SH3BP4: variants seen among roughly 807,000 people sequenced by gnomAD.
The protein encoded by SH3BP4 is SH3 domain-binding protein 4.
In SH3BP4, 33 loss-of-function variants were observed where a neutral mutation model predicts 65.5. The ratio of observed to expected loss-of-function variants is 0.50; its 90% confidence interval spans 0.38 to 0.67. The LOEUF (loss-of-function observed/expected upper bound fraction) is 0.67. Ranked by LOEUF, SH3BP4 falls within the 30% of genes least tolerant of loss-of-function variation. SH3BP4 has a pLI of 0.00. For missense variants in SH3BP4, 1,134 were observed against 1,261.4 expected (o/e 0.90, Z 1.53); for synonymous variants, 552 against 545.5 (o/e 1.01, Z -0.17).
chr2:234,970,733 T>G (rs1692977365), intron 1 of SH3BP4, among the ~76,000 whole-genome samples: 1 of 152,230 alleles, frequency 6.6e-6, no homozygotes, highest in Non-Finnish European at 1.5e-5. Flanking sequence ...TTGCGTAGGT[T>G]TCCATGTCTG....
intron 4 of SH3BP4, among the ~76,000 whole-genome samples, chr2:235,047,767 C>T (rs6741594): frequency 0.2 from 30,551 of 152,002 alleles, 4,182 homozygotes; most frequent in African/African-American, 0.37. Flanking sequence ...AGAACGAAGC[C>T]GTGGGGTGTG....
rs534262507 is a variant in SH3BP4, at chr2:234,959,677, G to A, written c.-207+7507G>A. Among the ~76,000 whole-genome samples the A allele has an allele frequency of 3.6e-5, 5 of 139,742 alleles. 1 individual carries two copies. In the South Asian group the frequency reaches 8.9e-4, roughly 25 times the overall value. 91.7% of individuals were successfully genotyped at this position (139,742 alleles called of 152,430 possible). Reference sequence around the variant, plus strand: ...ACTTTTTTTTTTTTTTTTTTGAGACGGAATCTCACTCTTGCCCACGCTGGA... The same window carrying A: ...ACTTTTTTTTTTTTTTTTTTGAGACAGAATCTCACTCTTGCCCACGCTGGA... On this transcript the variant is annotated intron_variant, in intron 1 of 5. Coordinates refer to ENST00000392011, the MANE Select transcript of SH3BP4 (RefSeq NM_014521.3).
At chr2:235,028,136 A>C (rs1695063368) in intron 2 of SH3BP4, among the ~76,000 whole-genome samples, 1 of 152,204 alleles carries the variant, frequency 6.6e-6, no homozygotes, top group Admixed American at 6.5e-5. Context: ...TGCACAGAAA[A>C]AGGAAAAACT....
intron 2 of SH3BP4, among the ~76,000 whole-genome samples, chr2:235,032,767 G>C (rs1017760712): frequency 1.3e-5 from 2 of 152,124 alleles, no homozygotes; most frequent in African/African-American, 4.8e-5. Flanking sequence ...GAGGGGTGGA[G>C]TGTGGGGTGG....
In SH3BP4 at chr2:234,997,130, C is replaced by T. The variant is rs1693948221; in HGVS notation, c.-133+1754C>T. Among the ~76,000 whole-genome samples, 1 of 152,210 alleles carries T rather than the reference C, an allele frequency of 6.6e-6. No homozygotes were observed. Among genetic ancestry groups the T allele is most frequent in the Non-Finnish European group, 1.5e-5 (1 of 68,034 alleles). On this transcript the variant is annotated intron_variant, in intron 2 of 5. Coordinates refer to ENST00000392011, the MANE Select transcript of SH3BP4 (RefSeq NM_014521.3). This position sits in a 1 kb window ranked among gnomAD's most constrained non-coding sequence, Gnocchi z 4.2. Reference sequence around the variant, plus strand: ...ACAGCGGGCAGAGCGTTGCATGTGCCTCTGGGTGGGGTGTAGGGGTGCTTG... The same window carrying T: ...ACAGCGGGCAGAGCGTTGCATGTGCTTCTGGGTGGGGTGTAGGGGTGCTTG...
At chr2:235,017,745 G>A (rs1046087182) in intron 2 of SH3BP4, among the ~76,000 whole-genome samples, 1 of 152,110 alleles carries the variant, frequency 6.6e-6, no homozygotes, top group African/African-American at 2.4e-5. Context: ...TTTTCATATG[G>A]GTGTAGTGTT....
intron 3 of SH3BP4, among the ~76,000 whole-genome samples, chr2:235,038,306 TATATATTATATATTATA>T (rs1695478751): frequency 7.8e-5 from 1 of 12,816 alleles, no homozygotes; most frequent in Non-Finnish European, 1.0e-4. Context: ...ATATTATATA[TATATATTATATATTATA>T]TATATATTAT....
At chr2:235,000,074 G>A (rs1694050580) in intron 2 of SH3BP4, among the ~76,000 whole-genome samples, 1 of 152,234 alleles carries the variant, frequency 6.6e-6, no homozygotes. Flanking sequence ...GGAGAGGGGT[G>A]AGGCCACAGG....
intron 2 of SH3BP4, among the ~76,000 whole-genome samples, chr2:235,008,892 C>T (rs1225245420): frequency 3.3e-5 from 5 of 152,184 alleles, no homozygotes; most frequent in African/African-American, 4.8e-5. Flanking sequence ...CTGCTGCCTG[C>T]CTGTTTTTGT....
Position 235,041,064 on chromosome 2 carries a change from A to T in SH3BP4, c.295A>T (p.Thr99Ser), listed in dbSNP as rs1695619116. The T allele has an allele frequency of 6.2e-7, 1 of 1,613,956 alleles. No individual in the cohort carries two copies. ...TGAGTGGTGGTACGCACACAACACC[A>T]CCGAAATGGGCTACATCCCCTCCTC... is the stretch of plus-strand genomic sequence containing the variant. ...GGEWWYAHNTTEMGYIPSSYV... is the reference protein window; with the variant it reads ...GGEWWYAHNTSEMGYIPSSYV... Residue 99 changes from threonine (T) to serine (S), a missense_variant, in exon 4 of 6, where the codon ACC becomes TCC. Physicochemically the swap from Thr to Ser is moderately conservative, Grantham distance 58. Coordinates refer to ENST00000392011, the MANE Select transcript of SH3BP4 (RefSeq NM_014521.3). The surrounding 1 kb of genome is among the most constrained non-coding windows in gnomAD (Gnocchi z 6.0).
At chr2:235,004,362 A>T (rs572042669) in intron 2 of SH3BP4, among the ~76,000 whole-genome samples, 24 of 152,182 alleles carry the variant, frequency 1.6e-4, no homozygotes, top group African/African-American at 4.3e-4. Context: ...TATTTTTTTT[A>T]AAAAGTTTTA....
At chr2:234,996,270 G>T (rs1475947295) in intron 2 of SH3BP4, among the ~76,000 whole-genome samples, 3 of 152,168 alleles carry the variant, frequency 2.0e-5, no homozygotes, top group Admixed American at 2.0e-4. Context: ...AATTTTAAAA[G>T]CCCTTCTAAA....
chr2:234,985,179 T>C (rs1693507933), intron 1 of SH3BP4, among the ~76,000 whole-genome samples: 2 of 152,146 alleles, frequency 1.3e-5, no homozygotes, highest in Non-Finnish European at 2.9e-5. Flanking sequence ...AACAGAGTAG[T>C]GAGTGTACAA....
intron 2 of SH3BP4, among the ~76,000 whole-genome samples, chr2:235,003,590 T>C (rs1311257631): frequency 6.6e-6 from 1 of 152,186 alleles, no homozygotes; most frequent in Non-Finnish European, 1.5e-5. Flanking sequence ...GGTCAAATCT[T>C]GGTGAGGAAC....
intron 2 of SH3BP4, among the ~76,000 whole-genome samples, chr2:235,017,564 G>A (rs148657268): frequency 2.6e-5 from 4 of 152,076 alleles, no homozygotes; most frequent in African/African-American, 7.2e-5. Context: ...GGGTTATCTT[G>A]AGCTTTTGTG....
chr2:235,020,157 A>G (rs1209750932), intron 2 of SH3BP4, among the ~76,000 whole-genome samples: 1 of 152,178 alleles, frequency 6.6e-6, no homozygotes, highest in Non-Finnish European at 1.5e-5. Context: ...GGTGTCTTTA[A>G]AACAAGATTT....
rs1406217754 is a variant in SH3BP4 at position 235,034,817 on chromosome 2, T to C, written c.-132-54T>C. The C allele has an allele frequency of 1.7e-6, 1 of 585,362 alleles. No homozygotes were observed. Among genetic ancestry groups the C allele is most frequent in the Non-Finnish European group, 3.0e-6 (1 of 328,726 alleles). The allele number at this position is 585,362 out of a possible 1,614,324, so 36.3% of individuals were successfully genotyped here. A position where few individuals can be genotyped will look rare whatever the true frequency, so the allele number is the denominator to read the frequency against. ...TTCCCACTTCCCATAAAATTACCAT[T>C]GAACCCATGTTTCGCTTGCTTAAGG... On this transcript the variant is annotated intron_variant, in intron 2 of 5. Coordinates refer to ENST00000392011, the MANE Select transcript of SH3BP4 (RefSeq NM_014521.3). The surrounding 1 kb of genome is among the most constrained non-coding windows in gnomAD (Gnocchi z 6.2).
rs945672188 is a variant in SH3BP4 at position 234,952,388 on chromosome 2, C to G, written c.-207+218C>G. On this transcript the variant is annotated intron_variant, in intron 1 of 5. Transcript: ENST00000392011. This position sits in a 1 kb window ranked among gnomAD's most constrained non-coding sequence, Gnocchi z 6.5. ...GCGCCCCTCGCCGCTCCCCCGGGCGCTCGGGTCTCCCTGGTGCTGGTGGGC... is the reference window on the plus strand; with the variant it reads ...GCGCCCCTCGCCGCTCCCCCGGGCGGTCGGGTCTCCCTGGTGCTGGTGGGC... 1.3e-5 allele frequency among the ~76,000 whole-genome samples: 2 copies of G among 151,038 alleles called. No homozygotes were observed. The highest frequency in any genetic ancestry group is 2.4e-5 in the African/African-American group (1 of 41,306).
At chr2:234,963,971 G>A (rs888818259) in intron 1 of SH3BP4, among the ~76,000 whole-genome samples, 38 of 152,178 alleles carry the variant, frequency 2.5e-4, no homozygotes, top group African/African-American at 8.2e-4. Context: ...GTCTGGTGTC[G>A]CAAGCCTTCT....
Sources: allele counts gnomAD v4.1 joint callset (sites outside exome capture counted in the v4.1 genomes callset), GRCh38; gene constraint gnomAD v4.1.1; non-coding constraint Gnocchi (gnomAD v3.1); transcripts MANE v1.5; gene names NCBI Gene and HGNC (gene_info 2026-07-23, HGNC 2026-07-21).